Variants in NRXN1 observed in about 807,000 individuals in gnomAD.
NRXN1 encodes the protein neurexin 1.
In NRXN1, 39 loss-of-function variants were observed where a neutral mutation model predicts 150.9. That is an observed-to-expected ratio of 0.26 (90% CI 0.20 to 0.34). The LOEUF (loss-of-function observed/expected upper bound fraction) is 0.34. Among genes scored for constraint, NRXN1 ranks in the 10% least tolerant of loss-of-function variants. The pLI, the probability that NRXN1 is intolerant of heterozygous loss-of-function variation, is 1.00. For synonymous variants in NRXN1, 924 were observed against 757.0 expected (o/e 1.22, Z -3.62); for missense variants, 1,815 against 1,949.9 (o/e 0.93, Z 1.30).
chr2:50,362,779 C>T (rs953605901), intron 17 of NRXN1, among the ~76,000 whole-genome samples: 7 of 152,184 alleles, frequency 4.6e-5, no homozygotes, highest in African/African-American at 1.7e-4. Context: ...GTACCCCGTA[C>T]AGCCAAGACA....
intron 18 of NRXN1, among the ~76,000 whole-genome samples, chr2:50,091,999 C>A (rs1006769610): frequency 6.6e-6 from 1 of 152,130 alleles, no homozygotes; most frequent in African/African-American, 2.4e-5. Flanking sequence ...TTCACAAAAC[C>A]ATCAAATACT....
chr2:49,977,728 A>G (rs1414953016), intron 21 of NRXN1, among the ~76,000 whole-genome samples: 1 of 152,178 alleles, frequency 6.6e-6, no homozygotes, highest in African/African-American at 2.4e-5. Context: ...ATTAGGGTCA[A>G]TTTGTTCAAA....
chr2:50,787,176 T>C lies in NRXN1; in HGVS notation c.832+134693A>G, dbSNP rs1705242153. Among the ~76,000 whole-genome samples, 2 of 152,128 alleles carry C rather than the reference T, an allele frequency of 1.3e-5. 1 individual carries two copies. The highest frequency in any genetic ancestry group is 4.1e-4 in the South Asian group (2 of 4,822). Reference sequence around the variant, plus strand: ...TGAAGAGGATCATTGTGTGCTCTAGTTGCTCTGACCGGAGATTCCAACTCT... The same window carrying C: ...TGAAGAGGATCATTGTGTGCTCTAGCTGCTCTGACCGGAGATTCCAACTCT... On this transcript the variant is annotated intron_variant, in intron 5 of 22. Transcript: ENST00000401669.
At chr2:50,380,552 C>T (rs2080880471) in intron 17 of NRXN1, among the ~76,000 whole-genome samples, 1 of 152,038 alleles carries the variant, frequency 6.6e-6, no homozygotes, top group East Asian at 1.9e-4. Context: ...CAGCCACTTA[C>T]TATCTGACTG....
At chr2:50,650,430 C>T (rs182369654) in intron 5 of NRXN1, among the ~76,000 whole-genome samples, 2 of 152,172 alleles carry the variant, frequency 1.3e-5, no homozygotes, top group East Asian at 3.9e-4. Context: ...TCATAAGAAG[C>T]TGCTCTGAAG....
intron 5 of NRXN1, among the ~76,000 whole-genome samples, chr2:50,736,828 A>T (rs1311709569): frequency 6.6e-6 from 1 of 152,182 alleles, no homozygotes; most frequent in Non-Finnish European, 1.5e-5. Context: ...GATATCAAAG[A>T]GGGCAGAAAC....
chr2:50,396,277 T>G (rs2082045653), intron 17 of NRXN1, among the ~76,000 whole-genome samples: 2 of 152,210 alleles, frequency 1.3e-5, no homozygotes, highest in Admixed American at 6.5e-5. Context: ...AACAAATTCC[T>G]GTTTATTTAG....
chr2:50,603,223 A>T (rs1253469954), intron 8 of NRXN1, among the ~76,000 whole-genome samples: 6 of 152,194 alleles, frequency 3.9e-5, no homozygotes, highest in Admixed American at 3.9e-4. Context: ...ATGTGTTTTG[A>T]TCATATACCC....
At chr2:50,841,372 A>G (rs1672848663) in intron 5 of NRXN1, among the ~76,000 whole-genome samples, 1 of 152,162 alleles carries the variant, frequency 6.6e-6, no homozygotes, top group South Asian at 2.1e-4. Context: ...AAGTCAAAGT[A>G]ATTGCCACAT....
chr2:50,369,262 G>T (rs186396324), intron 17 of NRXN1, among the ~76,000 whole-genome samples: 11 of 151,858 alleles, frequency 7.2e-5, no homozygotes, highest in Non-Finnish European at 1.6e-4. Context: ...CAAAAAACCC[G>T]AATGAATACA....
chr2:50,775,903 T>G (rs1470052141), intron 5 of NRXN1, among the ~76,000 whole-genome samples: 1 of 152,120 alleles, frequency 6.6e-6, no homozygotes, highest in Non-Finnish European at 1.5e-5. Context: ...TCTCTAAGCA[T>G]GCATTTATGT....
intron 2 of NRXN1, among the ~76,000 whole-genome samples, chr2:50,961,653 A>G (rs1693217696): frequency 1.3e-5 from 2 of 151,840 alleles, no homozygotes; most frequent in Admixed American, 6.6e-5. Flanking sequence ...TTGGAGAAAA[A>G]TCATTGTAAT....
At chr2:50,124,206 T>A (rs1704254400) in intron 18 of NRXN1, among the ~76,000 whole-genome samples, 2 of 152,146 alleles carry the variant, frequency 1.3e-5, no homozygotes. Flanking sequence ...AAATGCTGCT[T>A]GTAGTCCATG....
intron 19 of NRXN1, among the ~76,000 whole-genome samples, chr2:50,063,307 G>A (rs1694840706): frequency 6.6e-6 from 1 of 152,032 alleles, no homozygotes; most frequent in African/African-American, 2.4e-5. Flanking sequence ...TAAAACATTT[G>A]TCTTATATAT....
intron 17 of NRXN1, among the ~76,000 whole-genome samples, chr2:50,343,474 A>C (rs77262975): frequency 0.014 from 2,118 of 152,200 alleles, 23 homozygotes; most frequent in Middle Eastern, 0.041. Flanking sequence ...GAAAAAAAAA[A>C]CACAATTTTT....
chr2:50,830,030 A>AAAAAAAAAC (rs1671193479), intron 5 of NRXN1, among the ~76,000 whole-genome samples: 1 of 135,460 alleles, frequency 7.4e-6, no homozygotes, highest in African/African-American at 2.7e-5. Context: ...AAAAAAAAAA[A>AAAAAAAAAC]GCTCATTTCT....
intron 17 of NRXN1, among the ~76,000 whole-genome samples, chr2:50,405,641 T>C (rs1211169124): frequency 6.6e-6 from 1 of 152,132 alleles, no homozygotes; most frequent in African/African-American, 2.4e-5. Flanking sequence ...TCACTATGTT[T>C]CTGACTTTTT....
At chr2:51,001,309 T>C (rs192383663) in intron 2 of NRXN1, among the ~76,000 whole-genome samples, 1 of 151,826 alleles carries the variant, frequency 6.6e-6, no homozygotes, top group Admixed American at 6.6e-5. Flanking sequence ...AGAATTTTAT[T>C]AAGCAAGAGT....
At chr2:50,390,679 G>A (rs1407996572) in intron 17 of NRXN1, among the ~76,000 whole-genome samples, 1 of 152,056 alleles carries the variant, frequency 6.6e-6, no homozygotes. Context: ...AATGTCATTA[G>A]TATAGGAGTG....
Sources: gnomAD v4.1 joint callset for allele counts (sites outside exome capture counted in the v4.1 genomes callset) on GRCh38, gnomAD v4.1.1 for gene constraint, MANE v1.5 for transcripts, NCBI Gene and HGNC (gene_info 2026-07-23, HGNC 2026-07-21) for gene names.